The following ADGRV1 variants were observed in gnomAD, a reference collection of about 807,000 sequenced individuals.
The protein encoded by ADGRV1 is adhesion G protein-coupled receptor V1.
A neutral mutation model predicts 596.2 loss-of-function variants in ADGRV1; 359 were observed. The ratio of observed to expected loss-of-function variants is 0.60; its 90% CI spans 0.55 to 0.66. ADGRV1 has a LOEUF of 0.66. Ranked by LOEUF, ADGRV1 falls within the 30% of genes least tolerant of loss-of-function variation. The pLI is 0.00. For synonymous variants in ADGRV1, 2,681 were observed against 2,679.2 expected, an observed-to-expected ratio of 1.00 and a Z score of -0.02; for missense variants, 7,274 against 7,575.6, an observed-to-expected ratio of 0.96 and a Z score of 1.48.
At chr5:90,622,133 C>T (rs890281900) in intron 4 of ADGRV1, among the ~76,000 whole-genome samples, 1 of 152,162 alleles carries the variant, frequency 6.6e-6, no homozygotes, top group African/African-American at 2.4e-5. Flanking sequence ...GAGATCCTGT[C>T]CTGAAAGTTA....
chr5:91,152,890 G>A (rs1164608498), intron 88 of ADGRV1, among the ~76,000 whole-genome samples: 1 of 151,954 alleles, frequency 6.6e-6, no homozygotes, highest in Non-Finnish European at 1.5e-5. Context: ...TTGTCCAGGT[G>A]GGTCTCTAAC....
intron 85 of ADGRV1, among the ~76,000 whole-genome samples, chr5:91,001,227 A>G (rs868640110): frequency 1.4e-4 from 21 of 151,992 alleles, no homozygotes; most frequent in African/African-American, 5.1e-4. Flanking sequence ...ACAGGCATGT[A>G]CCACCACACC....
At chr5:91,100,673 C>A (rs1791299026) in intron 86 of ADGRV1, among the ~76,000 whole-genome samples, 1 of 152,136 alleles carries the variant, frequency 6.6e-6, no homozygotes, top group African/African-American at 2.4e-5. Context: ...TATAAAACTT[C>A]TTAATTACAC....
chr5:90,801,531 T>C (rs1761372264), intron 70 of ADGRV1, among the ~76,000 whole-genome samples: 1 of 151,668 alleles, frequency 6.6e-6, no homozygotes, highest in Admixed American at 6.6e-5. Flanking sequence ...GTGATTTATT[T>C]GTTTTTTTTT....
At chr5:90,763,150 T>G in intron 58 of ADGRV1, 155 bp from the exon 59 acceptor site, 5 of 596,410 alleles carry the variant, frequency 8.4e-6, no homozygotes, top group East Asian at 2.9e-5. Flanking sequence ...GAAAGTGGGA[T>G]TTGGTAAAAA....
chr5:90,604,940 C>T (rs976696004), intron 1 of ADGRV1, among the ~76,000 whole-genome samples: 11 of 152,098 alleles, frequency 7.2e-5, no homozygotes, highest in African/African-American at 2.4e-4. Flanking sequence ...TTCTAGAGCT[C>T]CACAGAGCTC....
At chr5:90,940,207 G>A (rs983715018) in intron 83 of ADGRV1, among the ~76,000 whole-genome samples, 1 of 152,184 alleles carries the variant, frequency 6.6e-6, no homozygotes, top group South Asian at 2.1e-4. Context: ...TGAGGACTTG[G>A]ATATAAATCT....
intron 21 of ADGRV1, among the ~76,000 whole-genome samples, chr5:90,667,102 T>C (rs982293400): frequency 6.6e-6 from 1 of 151,770 alleles, no homozygotes; most frequent in African/African-American, 2.4e-5. Context: ...GAGTTGCTCT[T>C]CTCGAGGAGT....
chr5:90,891,377 T>G (rs1055983982), intron 83 of ADGRV1, among the ~76,000 whole-genome samples: 1 of 151,248 alleles, frequency 6.6e-6, no homozygotes, highest in African/African-American at 2.4e-5. Context: ...AATATCACCT[T>G]CCTATAGATG....
chr5:90,627,485 C>T lies in ADGRV1; in HGVS notation c.947C>T (p.Ala316Val), dbSNP rs1279938728. 6.2e-7 allele frequency: 1 copy of T among 1,613,932 alleles called. No individual in the cohort carries two copies. Among genetic ancestry groups the T allele is most frequent in the Admixed American group, 1.7e-5 (1 of 60,016 alleles). ...ACAACTGGGAATTCCACAGCACATG[C>T]CCAGCAAAATCTGGACTTCATTGAT... ...AVTTGNSTAH[A>V]QQNLDFIDLQ... The change falls in exon 7 of 90, where the codon GCC (alanine) becomes GTC (valine). Residue 316 changes from alanine (A) to valine (V), a missense_variant. Ala to Val is a moderately conservative substitution (Grantham distance 64, BLOSUM62 0). Coordinates refer to ENST00000405460, the MANE Select transcript of ADGRV1 (RefSeq NM_032119.4).
intron 1 of ADGRV1, among the ~76,000 whole-genome samples, chr5:90,585,406 T>C (rs1758622124): frequency 6.6e-6 from 1 of 152,132 alleles, no homozygotes; most frequent in African/African-American, 2.4e-5. Context: ...AGAGTATGAT[T>C]TTTTGCTTCA....
chr5:91,155,307 G>T (rs1796386694), intron 89 of ADGRV1, among the ~76,000 whole-genome samples: 1 of 152,208 alleles, frequency 6.6e-6, no homozygotes, highest in South Asian at 2.1e-4. Flanking sequence ...TAGGGACTGA[G>T]GGAATAGAAT....
In ADGRV1 at chr5:90,683,794, C is replaced by A. The variant is rs1399305542; in HGVS notation, c.5873C>A (p.Ser1958Tyr). 6.2e-7 allele frequency: 1 copy of A among 1,613,736 alleles called. No homozygotes were observed. The highest frequency in any genetic ancestry group is 1.1e-5 in the South Asian group (1 of 91,066). The change falls in exon 28 of 90, where the codon TCT (serine) becomes TAT (tyrosine). Residue 1958 changes from serine to tyrosine, a missense_variant. Around this residue, in one of 5 missense-constraint regions of ADGRV1, gnomAD observed 3,643 missense variants for 3,809.2 expected, o/e 0.96. Coordinates refer to ENST00000405460, the MANE Select transcript of ADGRV1 (RefSeq NM_032119.4). Reference protein sequence around the residue: ...SVSVLSVSSGSLGAHINATLT... With the variant: ...SVSVLSVSSGYLGAHINATLT... ...TCAGTCCTCAGTGTTTCCAGTGGTT[C>A]TTTGGGAGCTCATATTAATGCCACG...
intron 1 of ADGRV1, among the ~76,000 whole-genome samples, chr5:90,560,927 G>A (rs1431287635): frequency 6.6e-6 from 1 of 152,068 alleles, no homozygotes; most frequent in East Asian, 1.9e-4. Flanking sequence ...CTACTTGAAG[G>A]TACTCATGCT....
chr5:90,935,344 A>G (rs1775585679), intron 83 of ADGRV1, among the ~76,000 whole-genome samples: 1 of 152,212 alleles, frequency 6.6e-6, no homozygotes, highest in Non-Finnish European at 1.5e-5. Flanking sequence ...AATATAGAAA[A>G]TTATATTTGT....
intron 34 of ADGRV1, among the ~76,000 whole-genome samples, chr5:90,701,311 A>G (rs151004129): frequency 0.012 from 1,788 of 151,766 alleles, 16 homozygotes; most frequent in Non-Finnish European, 0.017. Context: ...TAAGTTTTTC[A>G]TTTTCCTGTG....
At chr5:90,662,961 A>C (rs1770631314) in intron 21 of ADGRV1, among the ~76,000 whole-genome samples, 3 of 150,472 alleles carry the variant, frequency 2.0e-5, no homozygotes, top group African/African-American at 2.4e-5. Flanking sequence ...TTATGGCTGC[A>C]TAGTATTCCA....
At chr5:91,130,522 C>CAAAAAA (rs11423089) in intron 87 of ADGRV1, among the ~76,000 whole-genome samples, 3 of 73,328 alleles carry the variant, frequency 4.1e-5, no homozygotes, top group Non-Finnish European at 4.6e-5. Context: ...AACTCCATCT[C>CAAAAAA]AAAAAAAAAA....
At chr5:90,887,394 G>A (rs1048183771) in intron 83 of ADGRV1, among the ~76,000 whole-genome samples, 13 of 152,040 alleles carry the variant, frequency 8.6e-5, no homozygotes, top group Admixed American at 8.5e-4. Flanking sequence ...CCAACAGACT[G>A]TATTCTCTCA....
Sources: gnomAD v4.1 joint callset for allele counts (sites outside exome capture counted in the v4.1 genomes callset) on GRCh38, gnomAD v4.1.1 for gene constraint, gnomAD v4.1.1 regional missense constraint, MANE v1.5 for transcripts, NCBI Gene and HGNC (gene_info 2026-07-23, HGNC 2026-07-21) for gene names.